EIPR1: variants seen among roughly 807,000 people sequenced by gnomAD.
EIPR1 encodes EARP complex and GARP complex interacting protein 1.
Under a neutral mutation model 48.1 loss-of-function variants are expected in EIPR1, and 25 were observed. The ratio of observed to expected loss-of-function variants is 0.52; its 90% CI spans 0.38 to 0.73. EIPR1 has a LOEUF of 0.73. EIPR1 is among the 30% of genes least tolerant of loss of function. EIPR1 has a pLI of 0.00. For synonymous variants in EIPR1, 204 were observed against 201.9 expected, an observed-to-expected ratio of 1.01 and a Z score of -0.09; for missense variants, 415 against 506.2, an observed-to-expected ratio of 0.82 and a Z score of 1.73.
intron 3 of EIPR1, among the ~76,000 whole-genome samples, chr2:3,304,336 T>C (rs1013326454): frequency 2.0e-5 from 3 of 152,152 alleles, no homozygotes; most frequent in African/African-American, 4.8e-5. Flanking sequence ...TCAGAAGACA[T>C]GGTTCTGCTC....
chr2:3,257,463 A>G lies in EIPR1; in HGVS notation c.260-8T>C. 2 of 1,614,008 alleles carry G rather than the reference A, an allele frequency of 1.2e-6. No homozygotes were observed. The highest frequency in any genetic ancestry group is 8.5e-7 in the Non-Finnish European group (1 of 1,179,912). ...GGACTTTGCTGTCTGAAGCTGAGCA[A>G]CAGAGCATAATGGATAATGTCAACA... On this transcript the variant is annotated splice_polypyrimidine_tract_variant and splice_region_variant and intron_variant, in intron 3 of 8. Transcript: ENST00000382125.
chr2:3,256,568 T>C (rs2103218453), intron 4 of EIPR1, among the ~76,000 whole-genome samples: 1 of 152,346 alleles, frequency 6.6e-6, no homozygotes, highest in African/African-American at 2.4e-5. Flanking sequence ...AAACGATTTG[T>C]CTCTTGCAGA....
At chr2:3,257,930 A>T (rs1572364666) in intron 3 of EIPR1, among the ~76,000 whole-genome samples, 1 of 152,344 alleles carries the variant, frequency 6.6e-6, no homozygotes, top group African/African-American at 2.4e-5. Flanking sequence ...CACGCATGTT[A>T]TTCTGCCTCA....
chr2:3,218,896 G>A (rs946022788), intron 4 of EIPR1, among the ~76,000 whole-genome samples: 4 of 147,494 alleles, frequency 2.7e-5, no homozygotes, highest in African/African-American at 1.0e-4. Context: ...AGTGAGTCAG[G>A]TGCACACCCA....
At chr2:3,201,354 TAAC>T (rs1157045840) in intron 5 of EIPR1, among the ~76,000 whole-genome samples, 1 of 152,182 alleles carries the variant, frequency 6.6e-6, no homozygotes, top group Non-Finnish European at 1.5e-5. Context: ...GGGGGGATGT[TAAC>T]AAAAGAGGGG....
chr2:3,265,869 G>A (rs1280091464), intron 3 of EIPR1, among the ~76,000 whole-genome samples: 3 of 152,212 alleles, frequency 2.0e-5, no homozygotes, highest in African/African-American at 7.2e-5. Flanking sequence ...GCTCATTAGC[G>A]CTGATGTCCA....
chr2:3,356,592 A>T (rs1354774345), intron 1 of EIPR1, among the ~76,000 whole-genome samples: 10 of 152,180 alleles, frequency 6.6e-5, no homozygotes, highest in Admixed American at 6.5e-4. Context: ...CCATATCCAC[A>T]TTCTAATCCC....
At chr2:3,329,078 A>G (rs62119482) in intron 3 of EIPR1, among the ~76,000 whole-genome samples, 16 of 44,508 alleles carry the variant, frequency 3.6e-4, no homozygotes, top group South Asian at 9.5e-4. Context: ...GGCACCAGCC[A>G]GGCTCCCCTG....
intron 1 of EIPR1, among the ~76,000 whole-genome samples, chr2:3,375,297 G>GTGCAGCACA (rs1659837627): frequency 6.6e-6 from 1 of 150,600 alleles, no homozygotes; most frequent in Admixed American, 6.6e-5. Context: ...GAGTTAATGG[G>GTGCAGCACA]TGCAGCACAC....
chr2:3,237,857 G>A (rs1666463675), intron 4 of EIPR1, among the ~76,000 whole-genome samples: 1 of 152,196 alleles, frequency 6.6e-6, no homozygotes, highest in Non-Finnish European at 1.5e-5. Flanking sequence ...GCCCGCACAC[G>A]GCTGCTGTTC....
intron 4 of EIPR1, among the ~76,000 whole-genome samples, chr2:3,223,155 AAG>A (rs2103152009): frequency 6.6e-6 from 1 of 152,302 alleles, no homozygotes; most frequent in South Asian, 2.1e-4. Context: ...GATGACAACG[AAG>A]AGAGATGTGG....
At chr2:3,216,961 CTG>C (rs1353662335) in intron 4 of EIPR1, among the ~76,000 whole-genome samples, 1 of 152,208 alleles carries the variant, frequency 6.6e-6, no homozygotes, top group Admixed American at 6.5e-5. Context: ...GCTTCGAACA[CTG>C]TGTTTCAAAG....
At chr2:3,268,439 A>T (rs1200447751) in intron 3 of EIPR1, among the ~76,000 whole-genome samples, 1 of 152,226 alleles carries the variant, frequency 6.6e-6, no homozygotes, top group Non-Finnish European at 1.5e-5. Flanking sequence ...CCTCTGCTGC[A>T]CAGTGGGCCG....
chr2:3,324,999 G>T (rs1020188580), intron 3 of EIPR1, among the ~76,000 whole-genome samples: 3 of 152,238 alleles, frequency 2.0e-5, no homozygotes, highest in Non-Finnish European at 2.9e-5. Context: ...GGCCTCCAGG[G>T]GTTTAGGGTC....
At chr2:3,357,527 T>C (rs945476952) in intron 1 of EIPR1, among the ~76,000 whole-genome samples, 3 of 152,246 alleles carry the variant, frequency 2.0e-5, no homozygotes, top group African/African-American at 7.2e-5. Flanking sequence ...AACTGAGTCT[T>C]GGCCAATCCC....
chr2:3,340,268 T>C (rs1352670583), intron 2 of EIPR1, among the ~76,000 whole-genome samples: 1 of 152,230 alleles, frequency 6.6e-6, no homozygotes, highest in Non-Finnish European at 1.5e-5. Context: ...CCATGTGAGC[T>C]GAACCACAAT....
In EIPR1 at chr2:3,277,472, G is replaced by A. The variant is rs376091677; in HGVS notation, c.260-20017C>T. 7.9e-5 allele frequency among the ~76,000 whole-genome samples: 12 copies of A among 152,364 alleles called. No individual in the cohort carries two copies. In the South Asian group the frequency reaches 2.5e-3, roughly 32 times the overall value. On this transcript the variant is annotated intron_variant, in intron 3 of 8. Transcript: ENST00000382125. ...CAGCTTCAAAACCTTACCAGGTGAT[G>A]GGTGGCAAGACCATTCTGCAAACAT...
intron 3 of EIPR1, among the ~76,000 whole-genome samples, chr2:3,309,756 C>T (rs139527391): frequency 1.3e-5 from 2 of 152,276 alleles, no homozygotes; most frequent in East Asian, 3.9e-4. Flanking sequence ...AGATGCTTCC[C>T]GATGGGAGTG....
intron 5 of EIPR1, among the ~76,000 whole-genome samples, chr2:3,201,915 TTTTTA>T (rs949894186): frequency 4.3e-4 from 66 of 152,240 alleles, no homozygotes; most frequent in Admixed American, 2.6e-4. Context: ...GTTCAATGTC[TTTTTA>T]TTTTATTTTA....
Sources: gnomAD v4.1 joint callset for allele counts (sites outside exome capture counted in the v4.1 genomes callset) on GRCh38, gnomAD v4.1.1 for gene constraint, MANE v1.5 for transcripts, NCBI Gene and HGNC (gene_info 2026-07-23, HGNC 2026-07-21) for gene names.